Variants in SPOP observed in about 807,000 individuals in gnomAD.
SPOP encodes speckle-type POZ protein.
A neutral mutation model predicts 45.6 loss-of-function variants in SPOP; 11 were observed. The ratio of observed to expected loss-of-function variants is 0.24; its 90% CI spans 0.15 to 0.40. The LOEUF (loss-of-function observed/expected upper bound fraction) is 0.40. Among genes scored for constraint, SPOP ranks in the 10% least tolerant of loss-of-function variants. SPOP has a pLI of 1.00. For missense variants in SPOP, 152 were observed against 465.6 expected (o/e 0.33, Z 6.20); for synonymous variants, 166 against 166.3 (o/e 1.00, Z 0.01).
At chr17:49,635,811 T>G (rs917214891) in intron 1 of SPOP, among the ~76,000 whole-genome samples, 9 of 151,834 alleles carry the variant, frequency 5.9e-5, no homozygotes, top group Admixed American at 2.6e-4. Context: ...TTTTTGTATT[T>G]TTAGTAGAGA....
At chr17:49,618,395 A>AG (rs1167047287) in intron 5 of SPOP, 6 of 360,138 alleles carry the variant, frequency 1.7e-5, no homozygotes, top group Non-Finnish European at 2.7e-5. Flanking sequence ...AAAAGCTCTT[A>AG]GGTCACTGGT....
intron 1 of SPOP, among the ~76,000 whole-genome samples, chr17:49,667,691 G>A (rs1223730882): frequency 3.3e-5 from 5 of 152,154 alleles, no homozygotes; most frequent in Non-Finnish European, 7.3e-5. Context: ...AAACAGTATG[G>A]AGTTTCCTCA....
chr17:49,607,440 A>G, intron 7 of SPOP, 68 bp from the exon 8 acceptor site: 1 of 1,559,726 alleles, frequency 6.4e-7, no homozygotes, highest in South Asian at 1.2e-5. Flanking sequence ...AACTATTTTC[A>G]TGATTTTAAG....
intron 1 of SPOP, among the ~76,000 whole-genome samples, chr17:49,673,295 G>C (rs2073159793): frequency 2.0e-5 from 3 of 151,994 alleles, no homozygotes; most frequent in Non-Finnish European, 4.4e-5. Context: ...CACGAGGTCA[G>C]GAGATCAAGA....
At chr17:49,660,260 T>C (rs1285628483) in intron 1 of SPOP, among the ~76,000 whole-genome samples, 1 of 152,236 alleles carries the variant, frequency 6.6e-6, no homozygotes, top group Non-Finnish European at 1.5e-5. Flanking sequence ...GGCAGGCACA[T>C]ACATACCTCA....
chr17:49,627,568 A>T (rs1380983021), intron 1 of SPOP, among the ~76,000 whole-genome samples: 1 of 152,218 alleles, frequency 6.6e-6, no homozygotes, highest in Non-Finnish European at 1.5e-5. Context: ...GAGTAATCCT[A>T]AAATACCAAT....
At chr17:49,674,852 C>T (rs1282119005) in intron 1 of SPOP, among the ~76,000 whole-genome samples, 1 of 152,150 alleles carries the variant, frequency 6.6e-6, no homozygotes, top group Non-Finnish European at 1.5e-5. Context: ...ACTTTATTCT[C>T]ATGACATTAT....
At chr17:49,628,498 G>A (rs2072383280) in intron 1 of SPOP, among the ~76,000 whole-genome samples, 1 of 149,518 alleles carries the variant, frequency 6.7e-6, no homozygotes, top group African/African-American at 2.5e-5. Context: ...TTTCTAACTA[G>A]AATATTAAAC....
intron 5 of SPOP, among the ~76,000 whole-genome samples, chr17:49,616,214 C>T (rs1187281205): frequency 1.3e-5 from 2 of 152,102 alleles, no homozygotes; most frequent in African/African-American, 4.8e-5. Context: ...ACAGGAATAC[C>T]ACTGAAATAA....
chr17:49,650,234 A>G (rs2072824059), intron 1 of SPOP, among the ~76,000 whole-genome samples: 2 of 152,142 alleles, frequency 1.3e-5, no homozygotes, highest in Admixed American at 1.3e-4. Flanking sequence ...AACTACTCAT[A>G]GTGGGACCGG....
intron 1 of SPOP, among the ~76,000 whole-genome samples, chr17:49,661,397 C>T (rs534886637): frequency 7.4e-4 from 112 of 152,256 alleles, no homozygotes; most frequent in Admixed American, 1.1e-3. Flanking sequence ...GCTTCCCCAC[C>T]TCCACATTTT....
At chr17:49,608,470 T>TGG (rs540391012) in intron 6 of SPOP, among the ~76,000 whole-genome samples, 9 of 151,456 alleles carry the variant, frequency 5.9e-5, no homozygotes, top group East Asian at 1.9e-4. Flanking sequence ...CCCAAAGAGG[T>TGG]GGGGGGGGAA....
At chr17:49,614,099 T>G (rs955232084) in intron 5 of SPOP, among the ~76,000 whole-genome samples, 1 of 152,250 alleles carries the variant, frequency 6.6e-6, no homozygotes, top group Admixed American at 6.5e-5. Context: ...GTGCCAATTC[T>G]TGTACATTTC....
chr17:49,667,575 T>A (rs542904686), intron 1 of SPOP, among the ~76,000 whole-genome samples: 2 of 152,084 alleles, frequency 1.3e-5, no homozygotes, highest in East Asian at 1.9e-4. Context: ...GGCAATAGAG[T>A]AAGACTCCAT....
chr17:49,623,069 C>T (rs1355658931), intron 1 of SPOP, among the ~76,000 whole-genome samples, 193 bp from the exon 2 acceptor site: 6 of 151,290 alleles, frequency 4.0e-5, no homozygotes, highest in Non-Finnish European at 8.8e-5. Context: ...TGCAGTGGTG[C>T]GATCTTGGCT....
intron 1 of SPOP, among the ~76,000 whole-genome samples, chr17:49,629,755 T>C (rs1244735679): frequency 1.3e-5 from 2 of 152,172 alleles, no homozygotes; most frequent in East Asian, 3.8e-4. Context: ...CATGAGCATT[T>C]CTCCATCATC....
At chr17:49,606,471 C>G (rs1401114438) in intron 8 of SPOP, among the ~76,000 whole-genome samples, 1 of 150,026 alleles carries the variant, frequency 6.7e-6, no homozygotes, top group African/African-American at 2.5e-5. Context: ...CTGTGCCCAG[C>G]CTGTTTTTTC....
chr17:49,663,939 T>C (rs991006207), intron 1 of SPOP, among the ~76,000 whole-genome samples: 1 of 152,236 alleles, frequency 6.6e-6, no homozygotes, highest in Non-Finnish European at 1.5e-5. Flanking sequence ...TGGGTGGTGA[T>C]ATAACTAATG....
At chr17:49,667,293 TAA>T (rs34967563) in intron 1 of SPOP, among the ~76,000 whole-genome samples, 7 of 132,674 alleles carry the variant, frequency 5.3e-5, no homozygotes, top group Admixed American at 7.5e-5. Context: ...TCCAGAGCCT[TAA>T]AAAAAAAAAA....
Sources: allele counts gnomAD v4.1 joint callset (sites outside exome capture counted in the v4.1 genomes callset), GRCh38; gene constraint gnomAD v4.1.1; transcripts MANE v1.5; gene names NCBI Gene and HGNC (gene_info 2026-07-23, HGNC 2026-07-21).